ENOX1: variants seen among roughly 807,000 people sequenced by gnomAD.
The protein encoded by ENOX1 is ecto-NOX disulfide-thiol exchanger 1.
ENOX1 carries 42 observed loss-of-function variants against 82.5 expected under a neutral mutation model. The ratio of observed to expected loss-of-function variants is 0.51; its 90% CI spans 0.40 to 0.66. The LOEUF is 0.66. Ranked by LOEUF, ENOX1 falls within the 30% of genes least tolerant of loss-of-function variation. The probability of loss-of-function intolerance (pLI) is 0.00; values close to 1 mark genes in which losing one functional copy is unlikely to be tolerated. For missense variants in ENOX1, 608 were observed against 811.6 expected, an observed-to-expected ratio of 0.75 and a Z score of 3.05; for synonymous variants, 271 against 282.2, an observed-to-expected ratio of 0.96 and a Z score of 0.40.
chr13:43,733,727 C>T (rs1257681001), intron 1 of ENOX1, among the ~76,000 whole-genome samples: 1 of 152,046 alleles, frequency 6.6e-6, no homozygotes, highest in East Asian at 1.9e-4. Flanking sequence ...GAATTGTGTC[C>T]CCCTAAAAGG....
chr13:43,275,066 T>C (rs2153485897), intron 12 of ENOX1, among the ~76,000 whole-genome samples: 1 of 152,350 alleles, frequency 6.6e-6, no homozygotes, highest in East Asian at 1.9e-4. Context: ...GTTTCTATCC[T>C]GGCAATCACA....
intron 9 of ENOX1, among the ~76,000 whole-genome samples, chr13:43,341,625 C>G (rs952110320): frequency 6.6e-6 from 1 of 152,140 alleles, no homozygotes; most frequent in Non-Finnish European, 1.5e-5. Context: ...GGGAGATACT[C>G]AAACGGTTTA....
intron 1 of ENOX1, among the ~76,000 whole-genome samples, chr13:43,670,494 G>A (rs866305816): frequency 6.6e-6 from 1 of 152,200 alleles, no homozygotes; most frequent in Middle Eastern, 3.4e-3. Context: ...GAATGAATGA[G>A]TTAACTAGTC....
chr13:43,747,155 G>C (rs1950066986), intron 1 of ENOX1, among the ~76,000 whole-genome samples: 1 of 152,106 alleles, frequency 6.6e-6, no homozygotes, highest in African/African-American at 2.4e-5. Flanking sequence ...CAGATTCCTA[G>C]TCTGAAAAAC....
intron 2 of ENOX1, among the ~76,000 whole-genome samples, chr13:43,496,850 G>A (rs1857733389): frequency 6.6e-6 from 1 of 151,860 alleles, no homozygotes; most frequent in Non-Finnish European, 1.5e-5. Context: ...TAGAAGTCTT[G>A]AAATCAGAAA....
At chr13:43,705,059 A>G (rs1451260912) in intron 1 of ENOX1, among the ~76,000 whole-genome samples, 1 of 152,162 alleles carries the variant, frequency 6.6e-6, no homozygotes, top group East Asian at 1.9e-4. Context: ...ATATAGGTAA[A>G]AGACTACAGA....
At chr13:43,611,277 T>C (rs1009099960) in intron 2 of ENOX1, among the ~76,000 whole-genome samples, 5 of 152,182 alleles carry the variant, frequency 3.3e-5, no homozygotes, top group African/African-American at 9.7e-5. Context: ...AATCCATCTG[T>C]TAGGCATTAA....
intron 5 of ENOX1, among the ~76,000 whole-genome samples, chr13:43,407,324 T>A (rs2053859025): frequency 6.6e-6 from 1 of 152,202 alleles, no homozygotes; most frequent in South Asian, 2.1e-4. Flanking sequence ...AACTAGATCA[T>A]GCAGAGGATA....
intron 3 of ENOX1, among the ~76,000 whole-genome samples, chr13:43,421,113 G>A (rs1413219884): frequency 6.6e-6 from 1 of 152,068 alleles, no homozygotes; most frequent in Admixed American, 6.5e-5. Flanking sequence ...AAACAGTATG[G>A]GCAGAAAATG....
At chr13:43,434,912 C>A (rs565965823) in intron 3 of ENOX1, among the ~76,000 whole-genome samples, 11 of 136,436 alleles carry the variant, frequency 8.1e-5, no homozygotes, top group Admixed American at 6.7e-4. Context: ...GTCCTTTTAA[C>A]GTGTCTTATT....
intron 2 of ENOX1, among the ~76,000 whole-genome samples, chr13:43,538,362 C>A (rs2078558635): frequency 6.6e-6 from 1 of 152,102 alleles, no homozygotes; most frequent in African/African-American, 2.4e-5. Flanking sequence ...ACTTGGGGTA[C>A]ACATATATAA....
At chr13:43,670,343 T>C (rs532226517) in intron 1 of ENOX1, among the ~76,000 whole-genome samples, 1 of 152,340 alleles carries the variant, frequency 6.6e-6, no homozygotes, top group South Asian at 2.1e-4. Context: ...TGGCTTCCTT[T>C]AGGTATTTCA....
chr13:43,302,771 T>C (rs1236312068), intron 11 of ENOX1, among the ~76,000 whole-genome samples: 2 of 152,202 alleles, frequency 1.3e-5, no homozygotes, highest in African/African-American at 4.8e-5. Flanking sequence ...GAACAGATAA[T>C]GCCATGCTTA....
chr13:43,616,154 A>ATATCTATATC (rs1207695347), intron 2 of ENOX1, among the ~76,000 whole-genome samples: 1 of 32,660 alleles, frequency 3.1e-5, no homozygotes, highest in African/African-American at 1.2e-4. Flanking sequence ...ATCTATATAG[A>ATATCTATATC]TAGATATCTA....
intron 1 of ENOX1, among the ~76,000 whole-genome samples, chr13:43,742,009 T>C (rs909953253): frequency 2.0e-5 from 3 of 152,220 alleles, no homozygotes; most frequent in African/African-American, 4.8e-5. Context: ...CTTTCTCACA[T>C]TGAATTACCT....
At chr13:43,696,737 C>T (rs2153806819) in intron 1 of ENOX1, among the ~76,000 whole-genome samples, 1 of 151,556 alleles carries the variant, frequency 6.6e-6, no homozygotes, top group South Asian at 2.1e-4. Context: ...TAAACTATAA[C>T]CAGGACAATT....
At chr13:43,533,625 C>G (rs571340457) in intron 2 of ENOX1, among the ~76,000 whole-genome samples, 1 of 152,208 alleles carries the variant, frequency 6.6e-6, no homozygotes, top group Non-Finnish European at 1.5e-5. Context: ...AGATTACTTA[C>G]ACTAATTAAT....
intron 1 of ENOX1, among the ~76,000 whole-genome samples, chr13:43,785,851 G>T (rs764172710): frequency 2.0e-5 from 3 of 152,172 alleles, no homozygotes; most frequent in African/African-American, 4.8e-5. Context: ...TGGCCGTGCA[G>T]GGGGAGGACG....
intron 2 of ENOX1, among the ~76,000 whole-genome samples, chr13:43,508,453 T>C (rs2077252203): frequency 6.6e-6 from 1 of 152,014 alleles, no homozygotes. Flanking sequence ...TAGTGTCAGG[T>C]ATTTTTGTTA....
Sources: allele counts gnomAD v4.1 joint callset (sites outside exome capture counted in the v4.1 genomes callset), GRCh38; gene constraint gnomAD v4.1.1; transcripts MANE v1.5; gene names NCBI Gene and HGNC (gene_info 2026-07-23, HGNC 2026-07-21).